Variants in DCDC1 observed in about 807,000 individuals in gnomAD.
DCDC1 encodes doublecortin domain-containing protein 1.
A neutral mutation model predicts 178.3 loss-of-function variants in DCDC1; 200 were observed. That is an observed-to-expected ratio of 1.12 (90% CI 1.00 to 1.26). The LOEUF (loss-of-function observed/expected upper bound fraction) is 1.26. Ranked by LOEUF, DCDC1 falls within the 50% of genes most tolerant of loss-of-function variation. The pLI is 0.00. For missense variants in DCDC1, 1,983 were observed against 1,749.2 expected (o/e 1.13, Z -2.38); for synonymous variants, 690 against 604.8 (o/e 1.14, Z -2.07).
chr11:31,237,443 G>A (rs889815761), intron 9 of DCDC1, among the ~76,000 whole-genome samples: 1 of 151,554 alleles, frequency 6.6e-6, no homozygotes, highest in African/African-American at 2.4e-5. Flanking sequence ...GCCAAATATA[G>A]AACTTTTACA....
chr11:31,007,151 A>G (rs1011926774), intron 20 of DCDC1, among the ~76,000 whole-genome samples: 16 of 152,258 alleles, frequency 1.1e-4, no homozygotes, highest in African/African-American at 3.6e-4. Flanking sequence ...CTGTTTAAAA[A>G]TACATGTACC....
chr11:31,302,112 T>A (rs1325590081), intron 6 of DCDC1, among the ~76,000 whole-genome samples: 1 of 152,174 alleles, frequency 6.6e-6, no homozygotes, highest in Admixed American at 6.5e-5. Context: ...CAAAAAGTTT[T>A]AAAGACAATC....
At chr11:31,184,561 G>A (rs1226082705) in intron 9 of DCDC1, among the ~76,000 whole-genome samples, 3 of 150,598 alleles carry the variant, frequency 2.0e-5, no homozygotes, top group African/African-American at 7.3e-5. Flanking sequence ...CTAATATCCA[G>A]AAACAAATTT....
intron 22 of DCDC1, among the ~76,000 whole-genome samples, chr11:30,927,185 A>G (rs1191506337): frequency 6.6e-6 from 1 of 151,942 alleles, no homozygotes; most frequent in Non-Finnish European, 1.5e-5. Context: ...TGCCCCTTAC[A>G]ATGTTCTCTC....
chr11:31,284,637 G>A (rs1234877489), intron 7 of DCDC1, among the ~76,000 whole-genome samples: 7 of 151,212 alleles, frequency 4.6e-5, no homozygotes, highest in Non-Finnish European at 1.0e-4. Context: ...TTAATATCAT[G>A]TTTATGTCTT....
chr11:31,076,130 A>C (rs553049498), intron 18 of DCDC1, among the ~76,000 whole-genome samples: 82 of 152,264 alleles, frequency 5.4e-4, no homozygotes, highest in Non-Finnish European at 8.5e-4. Context: ...AAGTGCTGGG[A>C]GTACAGGTGT....
At chr11:31,155,568 T>G (rs1965640445) in intron 9 of DCDC1, among the ~76,000 whole-genome samples, 1 of 152,262 alleles carries the variant, frequency 6.6e-6, no homozygotes, top group African/African-American at 2.4e-5. Context: ...ATACTCATTA[T>G]GTGTCAAGGT....
chr11:31,048,291 A>G (rs1387663419), intron 20 of DCDC1, among the ~76,000 whole-genome samples: 1 of 152,220 alleles, frequency 6.6e-6, no homozygotes, highest in African/African-American at 2.4e-5. Context: ...CTATGAATTG[A>G]CTTTCAAATA....
chr11:31,058,781 A>G (rs1340949250), intron 20 of DCDC1, among the ~76,000 whole-genome samples: 2 of 152,098 alleles, frequency 1.3e-5, no homozygotes, highest in East Asian at 3.9e-4. Flanking sequence ...AAAGAGATAG[A>G]CAAGGTAGGA....
intron 12 of DCDC1, 60 bp from the exon 13 acceptor site, chr11:31,107,020 C>A (rs1314770764): frequency 8.7e-6 from 6 of 687,096 alleles, no homozygotes; most frequent in Non-Finnish European, 1.6e-5. Context: ...AAAATGGGAA[C>A]ATCTGTAATA....
At chr11:31,194,494 T>A (rs1970457086) in intron 9 of DCDC1, among the ~76,000 whole-genome samples, 1 of 152,128 alleles carries the variant, frequency 6.6e-6, no homozygotes, top group African/African-American at 2.4e-5. Flanking sequence ...TGTATTTTCC[T>A]TTATACATAA....
chr11:31,091,428 T>C lies in DCDC1; in HGVS notation c.2202A>G (p.Thr734=). Residue 734 remains threonine (T), a synonymous_variant, in exon 17 of 39, where the codon ACA becomes ACG. Transcript: ENST00000684477. Reference sequence around the variant, plus strand: ...AGATTAATTTATATCCTTCTAGTGATGTTCCCTCAGCAGCCTTGACTCTGA... The same window carrying C: ...AGATTAATTTATATCCTTCTAGTGACGTTCCCTCAGCAGCCTTGACTCTGA... ...HPIRVKAAEG[T]SLEGYKLILQ... is the part of the protein sequence containing the mutation. 1.3e-6 allele frequency: 1 copy of C among 760,660 alleles called. No homozygotes were observed. Among genetic ancestry groups the C allele is most frequent in the Admixed American group, 1.7e-5 (1 of 58,376 alleles). 47.1% of individuals were successfully genotyped at this position (760,660 alleles called of 1,614,324 possible).
intron 38 of DCDC1, among the ~76,000 whole-genome samples, chr11:30,865,566 G>A (rs138603115): frequency 0.01 from 1,552 of 152,196 alleles, 12 homozygotes; most frequent in Non-Finnish European, 0.017. Context: ...ATAGCTCTGT[G>A]ATAAAATTTT....
At chr11:30,932,678 G>A (rs1318447604) in intron 21 of DCDC1, among the ~76,000 whole-genome samples, 2 of 152,166 alleles carry the variant, frequency 1.3e-5, no homozygotes, top group Non-Finnish European at 2.9e-5. Flanking sequence ...GGTTACAGGT[G>A]TGATGGGACC....
chr11:30,908,612 G>T (rs904391265), intron 29 of DCDC1, among the ~76,000 whole-genome samples: 1 of 151,988 alleles, frequency 6.6e-6, no homozygotes, highest in Non-Finnish European at 1.5e-5. Flanking sequence ...GTCTGGGGTT[G>T]GCAAACATGG....
intron 20 of DCDC1, among the ~76,000 whole-genome samples, chr11:30,978,978 G>A (rs984350882): frequency 6.6e-6 from 1 of 152,108 alleles, no homozygotes; most frequent in Non-Finnish European, 1.5e-5. Flanking sequence ...GATTATGCCT[G>A]TATTTTAAAA....
At chr11:31,083,146 C>A (rs534464050) in intron 17 of DCDC1, among the ~76,000 whole-genome samples, 5 of 152,082 alleles carry the variant, frequency 3.3e-5, no homozygotes, top group Admixed American at 2.6e-4. Flanking sequence ...AGTTGTCACT[C>A]CATTTTTAGC....
At chr11:31,179,642 G>T (rs1049979192) in intron 9 of DCDC1, among the ~76,000 whole-genome samples, 1 of 152,130 alleles carries the variant, frequency 6.6e-6, no homozygotes, top group African/African-American at 2.4e-5. Context: ...ATCAAAGAGA[G>T]AAGAACAGTA....
At chr11:31,068,912 T>C (rs1187761162) in intron 18 of DCDC1, among the ~76,000 whole-genome samples, 1 of 151,796 alleles carries the variant, frequency 6.6e-6, no homozygotes, top group Non-Finnish European at 1.5e-5. Flanking sequence ...AATGCAGTGG[T>C]GCAATCTCGG....
Sources: gnomAD v4.1 joint callset for allele counts (sites outside exome capture counted in the v4.1 genomes callset) on GRCh38, gnomAD v4.1.1 for gene constraint, MANE v1.5 for transcripts, NCBI Gene and HGNC (gene_info 2026-07-23, HGNC 2026-07-21) for gene names.